The following DNAH14 variants were observed in gnomAD, a reference collection of about 807,000 sequenced individuals.
DNAH14 encodes the protein dynein axonemal heavy chain 14.
In DNAH14, 478 loss-of-function variants were observed where a neutral mutation model predicts 520.9. That is an observed-to-expected ratio of 0.92 (90% CI 0.85 to 0.99). The LOEUF (loss-of-function observed/expected upper bound fraction) is 0.99. Among genes scored for constraint, DNAH14 ranks in the 50% least tolerant of loss-of-function variants. The probability of loss-of-function intolerance (pLI) is 0.00; values close to 1 mark genes in which losing one functional copy is unlikely to be tolerated. For missense variants in DNAH14, 4,831 were observed against 5,234.5 expected, an observed-to-expected ratio of 0.92 and a Z score of 2.38; for synonymous variants, 1,581 against 1,757.2, an observed-to-expected ratio of 0.90 and a Z score of 2.51.
chr1:225,263,220 A>G (rs995041189), intron 46 of DNAH14, among the ~76,000 whole-genome samples: 9 of 146,746 alleles, frequency 6.1e-5, no homozygotes, highest in African/African-American at 2.1e-4. Flanking sequence ...ATATATATAC[A>G]TGTATATATA....
intron 42 of DNAH14, among the ~76,000 whole-genome samples, chr1:225,231,745 T>C (rs781238996): frequency 2.6e-5 from 4 of 152,180 alleles, no homozygotes; most frequent in Non-Finnish European, 5.9e-5. Flanking sequence ...CACTCACTTA[T>C]CTACGTCTTG....
At chr1:224,989,823 A>AT (rs1386606296) in intron 8 of DNAH14, among the ~76,000 whole-genome samples, 4 of 151,740 alleles carry the variant, frequency 2.6e-5, no homozygotes, top group African/African-American at 4.8e-5. Flanking sequence ...TGATCACGTG[A>AT]TTTTTTTCTT....
chr1:225,307,416 A>G, intron 58 of DNAH14, 45 bp from the exon 59 acceptor site: 6 of 1,294,312 alleles, frequency 4.6e-6, no homozygotes, highest in Non-Finnish European at 6.4e-6. Flanking sequence ...TATTTGCTAA[A>G]TTGTGTTATA....
At chr1:225,185,146 T>A in intron 36 of DNAH14, 145 bp from the exon 37 acceptor site, 1 of 840,358 alleles carries the variant, frequency 1.2e-6, no homozygotes, top group South Asian at 2.5e-5. Flanking sequence ...TATACACCAA[T>A]AACATTCATG....
intron 17 of DNAH14, among the ~76,000 whole-genome samples, chr1:225,068,487 T>C (rs1045684711): frequency 6.6e-6 from 1 of 152,142 alleles, no homozygotes; most frequent in African/African-American, 2.4e-5. Context: ...CTGTGAAGAA[T>C]GTCAATGGTA....
At position 225,274,656 on chromosome 1, in the gene DNAH14, TAACCAGACTA is replaced by T. The variant is rs1305556338; in HGVS notation, c.8011-1256_8011-1247del. 2.6e-5 allele frequency among the ~76,000 whole-genome samples: 4 copies of T among 152,284 alleles called. No individual in the cohort carries two copies. The East Asian group carries it at 5.8e-4, about 22-fold the overall frequency. On this transcript the variant is annotated intron_variant, in intron 52 of 85. Transcript: ENST00000682510. Reference sequence around the variant, plus strand: ...CCAACCATAATTCAGTTTTGAGACTTAACCAGACTAAGAAATAGATATAGAGGCAGTAGAA... The same window carrying T: ...CCAACCATAATTCAGTTTTGAGACTTAGAAATAGATATAGAGGCAGTAGAA...
chr1:225,273,028 A>G lies in DNAH14; in HGVS notation c.7913A>G (p.His2638Arg). ...GAGATGGCTGCTCTGCTCTTTGTTC[A>G]TGAAGCCACCCGAGTATTTCACGAT... ...SKEMAALLFVHEATRVFHDRL... is the reference protein window; with the variant it reads ...SKEMAALLFVREATRVFHDRL... Residue 2638 changes from histidine to arginine, a missense_variant, in exon 52 of 86, where the codon CAT becomes CGT. Physicochemically the swap from His to Arg is conservative, Grantham distance 29 (BLOSUM62 0). Transcript: ENST00000682510. The G allele has an allele frequency of 6.4e-7, 1 of 1,551,662 alleles. No homozygotes were observed. Among genetic ancestry groups the G allele is most frequent in the Admixed American group, 2.0e-5 (1 of 51,006 alleles).
chr1:224,979,920 G>A (rs954388422), intron 8 of DNAH14, among the ~76,000 whole-genome samples: 1 of 152,168 alleles, frequency 6.6e-6, no homozygotes, highest in African/African-American at 2.4e-5. Context: ...GTGAAGGGAA[G>A]GACCCAGTTC....
chr1:224,978,404 C>T (rs2062018233), intron 8 of DNAH14, among the ~76,000 whole-genome samples: 1 of 152,126 alleles, frequency 6.6e-6, no homozygotes, highest in Admixed American at 6.5e-5. Context: ...ATAAGTCAGG[C>T]ATGGAAAGAT....
In DNAH14 at chr1:225,389,732, A is replaced by G. The variant is rs1230513234; in HGVS notation, c.13191-2A>G. 6.4e-7 allele frequency: 1 copy of G among 1,552,158 alleles called. No homozygotes were observed. Among genetic ancestry groups the G allele is most frequent in the Admixed American group, 2.0e-5 (1 of 51,004 alleles). On this transcript the variant is annotated splice_acceptor_variant, in intron 82 of 85. Coordinates refer to ENST00000682510, the MANE Select transcript of DNAH14 (RefSeq NM_001367479.1). LOFTEE classifies it high-confidence loss of function. Reference sequence around the variant, plus strand: ...CCCAACCTGTGGTCTGCCTTCCACTAGGTATATGAGATTTGTCACAGTTTG... The same window carrying G: ...CCCAACCTGTGGTCTGCCTTCCACTGGGTATATGAGATTTGTCACAGTTTG...
chr1:225,156,860 G>A lies in DNAH14; in HGVS notation c.5274-2454G>A, dbSNP rs551547148. Among the ~76,000 whole-genome samples, 10 of 136,194 alleles carry A rather than the reference G, an allele frequency of 7.3e-5. No individual in the cohort carries two copies. In the South Asian group the frequency reaches 1.8e-3, roughly 24 times the overall value. 89.3% of individuals were successfully genotyped at this position (136,194 alleles called of 152,430 possible). ...CTCCCAAGTAGCTGGGACTACAGGCGCCCGCCACTACGCCCGGCTAATTTT... is the reference window on the plus strand; with the variant it reads ...CTCCCAAGTAGCTGGGACTACAGGCACCCGCCACTACGCCCGGCTAATTTT... On this transcript the variant is annotated intron_variant, in intron 34 of 85. Transcript: ENST00000682510.
intron 55 of DNAH14, among the ~76,000 whole-genome samples, chr1:225,290,611 GTA>G (rs1489699672): frequency 7.2e-6 from 1 of 138,636 alleles, no homozygotes; most frequent in Non-Finnish European, 1.6e-5. Context: ...GTGTGTGTGT[GTA>G]TGTGTGTGTA....
At chr1:224,955,143 G>T in intron 3 of DNAH14, 45 bp downstream of exon 3, 1 of 1,571,622 alleles carries the variant, frequency 6.4e-7, no homozygotes, top group Non-Finnish European at 8.6e-7. Flanking sequence ...TTATATTTTA[G>T]TTTATGGAAA....
intron 10 of DNAH14, among the ~76,000 whole-genome samples, chr1:225,022,434 TGG>T (rs142111040): frequency 0.015 from 2,311 of 152,142 alleles, 47 homozygotes; most frequent in East Asian, 0.053. Flanking sequence ...CACTAAAAAA[TGG>T]GCAAAGGATA....
intron 8 of DNAH14, among the ~76,000 whole-genome samples, chr1:224,989,267 A>G (rs1400615767): frequency 6.6e-6 from 1 of 152,212 alleles, no homozygotes; most frequent in Non-Finnish European, 1.5e-5. Context: ...TCAAGTTGAC[A>G]CACAAAATTA....
chr1:225,260,398 C>A (rs1327145626), intron 46 of DNAH14, among the ~76,000 whole-genome samples: 1 of 151,636 alleles, frequency 6.6e-6, no homozygotes, highest in Non-Finnish European at 1.5e-5. Flanking sequence ...TTAGGGTGAG[C>A]CTATATCTTG....
At chr1:225,340,841 C>G in intron 69 of DNAH14, 140 bp downstream of exon 69, 1 of 1,044,186 alleles carries the variant, frequency 9.6e-7, no homozygotes, top group Non-Finnish European at 1.3e-6. Flanking sequence ...GGTGAATCAC[C>G]CCATTTCTAA....
intron 61 of DNAH14, among the ~76,000 whole-genome samples, chr1:225,321,896 G>A (rs1191165105): frequency 6.6e-6 from 1 of 151,990 alleles, no homozygotes; most frequent in Non-Finnish European, 1.5e-5. Context: ...AGAAATGAGA[G>A]CATGTGTTTA....
chr1:225,171,122 G>A (rs2082595250), intron 36 of DNAH14, among the ~76,000 whole-genome samples: 1 of 152,330 alleles, frequency 6.6e-6, no homozygotes, highest in African/African-American at 2.4e-5. Flanking sequence ...TCAAAGCAGT[G>A]TGTAGAGGGA....
Sources: allele counts gnomAD v4.1 joint callset (sites outside exome capture counted in the v4.1 genomes callset), GRCh38; gene constraint gnomAD v4.1.1; transcripts MANE v1.5; gene names NCBI Gene and HGNC (gene_info 2026-07-23, HGNC 2026-07-21).